The following MORN3 variants were observed in gnomAD, a reference collection of about 807,000 sequenced individuals.
MORN3 encodes MORN repeat containing 3, also known as MORN repeat-containing protein 3.
MORN3 carries 38 observed loss-of-function variants against 34.7 expected under a neutral mutation model. That is an observed-to-expected ratio of 1.10 (90% CI 0.85 to 1.44). The LOEUF (loss-of-function observed/expected upper bound fraction) is 1.44, where lower values mean the gene tolerates loss of function less well. Ranked by LOEUF, MORN3 falls within the 40% of genes most tolerant of loss-of-function variation. The pLI is 0.00. For missense variants in MORN3, 311 were observed against 321.7 expected, an observed-to-expected ratio of 0.97 and a Z score of 0.25; for synonymous variants, 109 against 115.3, an observed-to-expected ratio of 0.95 and a Z score of 0.35.
intron 1 of MORN3, among the ~76,000 whole-genome samples, 179 bp from the exon 2 acceptor site, chr12:121,659,527 TCTTTC>T (rs1029643127): frequency 6.7e-6 from 1 of 149,322 alleles, no homozygotes; most frequent in Non-Finnish European, 1.5e-5. Context: ...TTTCTTTCTT[TCTTTC>T]TTTCTTTCTT....
At chr12:121,662,596 A>G (rs770241628) in intron 1 of MORN3, among the ~76,000 whole-genome samples, 2 of 152,082 alleles carry the variant, frequency 1.3e-5, no homozygotes, top group Non-Finnish European at 2.9e-5. Context: ...TCTACTAAAA[A>G]TACAAAAATT....
upstream of MORN3, chr12:121,669,700 A>AG (rs931905139): frequency 1.8e-5 from 9 of 491,538 alleles, no homozygotes; most frequent in African/African-American, 1.6e-4. Context: ...GCCCCCTCCC[A>AG]GGGGGTCTGA....
Position 121,652,762 on chromosome 12 carries a change from A to G in MORN3, c.695T>C (p.Met232Thr). The G allele has an allele frequency of 5.6e-6, 9 of 1,614,188 alleles. No homozygotes were observed. The highest frequency in any genetic ancestry group is 5.9e-6 in the Non-Finnish European group (7 of 1,180,024). ...ATCTCCTTCCTCTGTCTTCCTGAAC[A>G]TGGCCAAGGCCTCCGCCAGCACACC... is the stretch of plus-strand genomic sequence containing the variant. ...PDGVLAEALA[M>T]FRKTEEGD Residue 232 changes from methionine to threonine, a missense_variant, in exon 5 of 6, where the codon ATG becomes ACG. By Grantham distance (81) the Met-to-Thr change is moderately conservative (BLOSUM62 -1). Transcript: ENST00000355329.
At chr12:121,672,411 C>A (rs1450181487), upstream of MORN3, among the ~76,000 whole-genome samples, 8 of 152,054 alleles carry the variant, frequency 5.3e-5, no homozygotes, top group Non-Finnish European at 1.2e-4. Context: ...AGTGAGCTAT[C>A]ATCCGGCGCC....
Position 121,650,944 on chromosome 12 carries a change from A to G in MORN3, c.*707T>C, listed in dbSNP as rs1893237755. 1 of 152,164 alleles carries G rather than the reference A, an allele frequency of 6.6e-6. No individual in the cohort carries two copies. The highest frequency in any genetic ancestry group is 2.4e-5 in the African/African-American group (1 of 41,428). The allele number at this position is 152,164 out of a possible 1,614,324, so 9.4% of individuals were successfully genotyped here. ...GGACCTGGGCTTCCACAGCTTTGCA[A>G]AGTTTCCATGGGATTTCAAGGTTGA... On this transcript the variant is annotated 3_prime_UTR_variant, in exon 6 of 6. Coordinates refer to ENST00000355329, the MANE Select transcript of MORN3 (RefSeq NM_173855.5).
chr12:121,664,169 T>A (rs1465130317), intron 1 of MORN3, among the ~76,000 whole-genome samples: 1 of 152,110 alleles, frequency 6.6e-6, no homozygotes, highest in African/African-American at 2.4e-5. Context: ...AATGGAGACA[T>A]GGAGGGAGAC....
intron 1 of MORN3, among the ~76,000 whole-genome samples, chr12:121,666,169 T>C (rs540925102): frequency 6.6e-6 from 1 of 152,144 alleles, no homozygotes; most frequent in African/African-American, 2.4e-5. Context: ...GTCTCACTTA[T>C]TTATTTATTT....
rs1264928628 is a variant in MORN3 at position 121,669,617 on chromosome 12, G to C, written c.-134C>G. ...TGTGTGTTCTGAGTCCCTGGGGCAGGTGAACAGCCCTTAGTGGGGATCCTT... is the reference window on the plus strand; with the variant it reads ...TGTGTGTTCTGAGTCCCTGGGGCAGCTGAACAGCCCTTAGTGGGGATCCTT... On this transcript the variant is annotated 5_prime_UTR_variant, in exon 1 of 6. Coordinates refer to ENST00000355329, the MANE Select transcript of MORN3 (RefSeq NM_173855.5). 1 of 1,269,284 alleles carries C rather than the reference G, an allele frequency of 7.9e-7. No homozygotes were observed. The highest frequency in any genetic ancestry group is 2.5e-5 in the East Asian group (1 of 39,890). 78.6% of individuals were successfully genotyped at this position (1,269,284 alleles called of 1,614,324 possible).
At chr12:121,656,401 A>G (rs1555325709) in intron 2 of MORN3, among the ~76,000 whole-genome samples, 1 of 152,110 alleles carries the variant, frequency 6.6e-6, no homozygotes, top group African/African-American at 2.4e-5. Flanking sequence ...ATAGCTCACT[A>G]TAACCTCAGC....
chr12:121,652,495 A>G (rs1472688953), intron 5 of MORN3, among the ~76,000 whole-genome samples: 1 of 152,188 alleles, frequency 6.6e-6, no homozygotes, highest in African/African-American at 2.4e-5. Flanking sequence ...TGGCCTCCCA[A>G]AGTGCTGGGA....
intron 1 of MORN3, among the ~76,000 whole-genome samples, chr12:121,664,817 G>T (rs1037800891): frequency 6.7e-6 from 1 of 148,840 alleles, no homozygotes; most frequent in Non-Finnish European, 1.5e-5. Flanking sequence ...AGGAAGTGAG[G>T]GGCAGGACAG....
chr12:121,657,853 C>A (rs891115318), intron 2 of MORN3, among the ~76,000 whole-genome samples: 2 of 151,866 alleles, frequency 1.3e-5, no homozygotes, highest in African/African-American at 4.8e-5. Context: ...GCGACAAGAG[C>A]GAAACTCCAT....
chr12:121,663,620 G>A (rs1893652355), intron 1 of MORN3, among the ~76,000 whole-genome samples: 1 of 152,116 alleles, frequency 6.6e-6, no homozygotes, highest in South Asian at 2.1e-4. Context: ...GCAATTACGG[G>A]ACCATTCTAA....
intron 2 of MORN3, among the ~76,000 whole-genome samples, chr12:121,658,084 ACT>A (rs1178926552): frequency 6.6e-6 from 1 of 151,176 alleles, no homozygotes; most frequent in African/African-American, 2.4e-5. Context: ...ATCCTTAAAA[ACT>A]CTGCTGCTGG....
intron 4 of MORN3, 85 bp from the exon 5 acceptor site, chr12:121,652,893 G>C (rs1785424945): frequency 6.6e-7 from 1 of 1,513,390 alleles, no homozygotes; most frequent in African/African-American, 1.4e-5. Flanking sequence ...GCCGTGTGGG[G>C]TGCTGCCAGC....
chr12:121,654,592 C>CT (rs1893361391), intron 2 of MORN3, among the ~76,000 whole-genome samples, 159 bp from the exon 3 acceptor site: 1 of 151,674 alleles, frequency 6.6e-6, no homozygotes, highest in Admixed American at 6.6e-5. Context: ...AGTATCCTGT[C>CT]TTTTTTGTTT....
chr12:121,649,207 A>G lies in MORN3; in HGVS notation c.*2444T>C, dbSNP rs1893196940. 6.6e-6 allele frequency: 1 copy of G among 152,186 alleles called. No homozygotes were observed. Among genetic ancestry groups the G allele is most frequent in the Non-Finnish European group, 1.5e-5 (1 of 68,086 alleles). 9.4% of individuals were successfully genotyped at this position (152,186 alleles called of 1,614,324 possible). A position where few individuals can be genotyped will look rare whatever the true frequency, so the allele number is the denominator to read the frequency against. ...CTTGATCCGCCTGCCTCGGCCTCTC[A>G]AAGTGCTAGGATTACAGGCATGAGC... On this transcript the variant is annotated 3_prime_UTR_variant, in exon 6 of 6. Coordinates refer to ENST00000355329, the MANE Select transcript of MORN3 (RefSeq NM_173855.5).
At position 121,669,498 on chromosome 12, in the gene MORN3, C is replaced by T. The variant is rs1201780501; in HGVS notation, c.-15G>A. The T allele has an allele frequency of 2.5e-6, 4 of 1,612,720 alleles. No homozygotes were observed. The highest frequency in any genetic ancestry group is 3.4e-6 in the Non-Finnish European group (4 of 1,179,166). On this transcript the variant is annotated 5_prime_UTR_variant, in exon 1 of 6. Coordinates refer to ENST00000355329, the MANE Select transcript of MORN3 (RefSeq NM_173855.5). ...GAGACTGGCATGGTGGCTGCTTCTG[C>T]AAGGCTGGAGGGTGCTGGAAAGGGG...
At chr12:121,659,059 A>C in intron 2 of MORN3, 132 bp downstream of exon 2, 1 of 1,227,396 alleles carries the variant, frequency 8.1e-7, no homozygotes, top group Non-Finnish European at 1.1e-6. Flanking sequence ...CGAGCAGCAC[A>C]ACCCTGTCCT....
Sources: gnomAD v4.1 joint callset for allele counts (sites outside exome capture counted in the v4.1 genomes callset) on GRCh38, gnomAD v4.1.1 for gene constraint, MANE v1.5 for transcripts, NCBI Gene and HGNC (gene_info 2026-07-23, HGNC 2026-07-21) for gene names.